Variants in ATRNL1 observed in about 807,000 individuals in gnomAD.
The protein encoded by ATRNL1 is attractin like 1.
ATRNL1 carries 95 observed loss-of-function variants against 182.7 expected under a neutral mutation model. The ratio of observed to expected loss-of-function variants is 0.52; its 90% confidence interval spans 0.44 to 0.62. The LOEUF (loss-of-function observed/expected upper bound fraction) is 0.62. Among genes scored for constraint, ATRNL1 ranks in the 20% least tolerant of loss-of-function variants. The pLI, the probability that ATRNL1 is intolerant of heterozygous loss-of-function variation, is 0.00. For synonymous variants in ATRNL1, 576 were observed against 568.3 expected (o/e 1.01, Z -0.19); for missense variants, 1,471 against 1,679.5 (o/e 0.88, Z 2.17).
At chr10:115,255,240 C>T (rs981873203) in intron 10 of ATRNL1, among the ~76,000 whole-genome samples, 2 of 152,184 alleles carry the variant, frequency 1.3e-5, no homozygotes, top group African/African-American at 2.4e-5. Flanking sequence ...TGGCCATTTT[C>T]ACGATACTGA....
intron 25 of ATRNL1, among the ~76,000 whole-genome samples, chr10:115,531,551 G>A (rs1851583129): frequency 6.6e-6 from 1 of 150,728 alleles, no homozygotes. Context: ...TGAGTAGGTT[G>A]TGAAAATTTT....
chr10:115,854,084 A>G (rs530181264), intron 28 of ATRNL1, among the ~76,000 whole-genome samples: 52 of 152,310 alleles, frequency 3.4e-4, no homozygotes, highest in African/African-American at 1.2e-3. Flanking sequence ...GTTACAGCCT[A>G]TGCAGAGATA....
intron 28 of ATRNL1, among the ~76,000 whole-genome samples, chr10:115,894,911 G>A (rs1350614853): frequency 6.6e-6 from 1 of 152,174 alleles, no homozygotes; most frequent in Non-Finnish European, 1.5e-5. Flanking sequence ...AGGTCAATTA[G>A]ATGGCTCTCA....
At chr10:115,463,376 G>A (rs951737662) in intron 22 of ATRNL1, among the ~76,000 whole-genome samples, 14 of 151,880 alleles carry the variant, frequency 9.2e-5, no homozygotes, top group Admixed American at 9.2e-4. Context: ...AAGATATTTT[G>A]TTTCAAATAC....
At chr10:115,875,877 A>T (rs142381643) in intron 28 of ATRNL1, among the ~76,000 whole-genome samples, 1 of 152,378 alleles carries the variant, frequency 6.6e-6, no homozygotes, top group Non-Finnish European at 1.5e-5. Context: ...TAGATTTCAC[A>T]GTCAAAAATG....
chr10:115,286,093 G>A, intron 14 of ATRNL1, 123 bp from the exon 15 acceptor site: 1 of 549,658 alleles, frequency 1.8e-6, no homozygotes, highest in Non-Finnish European at 3.2e-6. Flanking sequence ...TTGAAATATT[G>A]AGATATTTAA....
intron 27 of ATRNL1, among the ~76,000 whole-genome samples, chr10:115,800,039 GGA>G (rs1451280852): frequency 2.6e-5 from 4 of 152,016 alleles, no homozygotes; most frequent in Non-Finnish European, 5.9e-5. Flanking sequence ...TGACCAACAT[GGA>G]GAAACCCTGT....
chr10:115,423,070 T>C (rs142418703), intron 20 of ATRNL1, among the ~76,000 whole-genome samples: 1 of 152,146 alleles, frequency 6.6e-6, no homozygotes, highest in Non-Finnish European at 1.5e-5. Context: ...TATTGTACAT[T>C]TTAAAATAAA....
At chr10:115,516,418 G>A (rs1554983897) in intron 24 of ATRNL1, among the ~76,000 whole-genome samples, 1 of 151,676 alleles carries the variant, frequency 6.6e-6, no homozygotes, top group Non-Finnish European at 1.5e-5. Context: ...TTGTCTTGAT[G>A]ACTACTACCC....
At chr10:115,863,551 G>A (rs1048072731) in intron 28 of ATRNL1, among the ~76,000 whole-genome samples, 7 of 152,178 alleles carry the variant, frequency 4.6e-5, no homozygotes, top group African/African-American at 1.7e-4. Context: ...AGGAAAGTGA[G>A]AAGACTAGAA....
chr10:115,787,347 A>G (rs1949421470), intron 27 of ATRNL1, among the ~76,000 whole-genome samples: 1 of 152,164 alleles, frequency 6.6e-6, no homozygotes, highest in Non-Finnish European at 1.5e-5. Context: ...TCGGGCCACT[A>G]AGACTGATAC....
rs150889942 is a variant in ATRNL1, at chr10:115,286,357, T to C, written c.2375T>C (p.Val792Ala). 7 of 1,605,534 alleles carry C rather than the reference T, an allele frequency of 4.4e-6. No homozygotes were observed. The African/African-American group carries it at 5.4e-5, about 12-fold the overall frequency. Reference protein sequence around the residue: ...NLASLTTSKEVEFVLDEIQKY... With the variant: ...NLASLTTSKEAEFVLDEIQKY... ...GCTTCATTAACAACCTCAAAAGAAGTAGAATTTGTTCTGGATGAAATACAG... is the reference window on the plus strand; with the variant it reads ...GCTTCATTAACAACCTCAAAAGAAGCAGAATTTGTTCTGGATGAAATACAG... Residue 792 changes from valine to alanine, a missense_variant, in exon 15 of 29, where the codon GTA becomes GCA. Physicochemically the swap from Val to Ala is moderately conservative, Grantham distance 64 (BLOSUM62 0). This residue lies in a region of ATRNL1 where 1,031 missense variants were observed against 1,156.0 expected (regional missense o/e 0.89). Transcript: ENST00000355044.
At chr10:115,339,251 A>G (rs959224464) in intron 19 of ATRNL1, among the ~76,000 whole-genome samples, 6 of 151,940 alleles carry the variant, frequency 3.9e-5, no homozygotes, top group African/African-American at 4.8e-5. Flanking sequence ...TTCTGTGACA[A>G]ATGTTACTGT....
intron 27 of ATRNL1, among the ~76,000 whole-genome samples, chr10:115,784,960 G>A (rs1305854379): frequency 2.6e-5 from 4 of 152,114 alleles, no homozygotes; most frequent in Non-Finnish European, 4.4e-5. Flanking sequence ...TCTATTTCAT[G>A]TGCAAAATAC....
At chr10:115,490,392 A>G (rs1484910242) in intron 24 of ATRNL1, among the ~76,000 whole-genome samples, 1 of 151,914 alleles carries the variant, frequency 6.6e-6, no homozygotes, top group Non-Finnish European at 1.5e-5. Flanking sequence ...CTTTTCTCAT[A>G]ATCCCTTATT....
intron 18 of ATRNL1, among the ~76,000 whole-genome samples, chr10:115,316,006 T>C (rs1854283385): frequency 6.6e-6 from 1 of 152,194 alleles, no homozygotes; most frequent in Non-Finnish European, 1.5e-5. Context: ...TTATTTAGTT[T>C]AAGTTTTGGG....
intron 14 of ATRNL1, 67 bp from the exon 15 acceptor site, chr10:115,286,149 G>T (rs1554918733): frequency 1.4e-6 from 1 of 736,452 alleles, no homozygotes; most frequent in Non-Finnish European, 2.3e-6. Context: ...GAAGTACTTT[G>T]AAATAATTGA....
chr10:115,171,308 A>T lies in ATRNL1; in HGVS notation c.1348+16A>T. ...TACCATATCTGTGAGTTACTTAAAA[A>T]TTGTAATTTCTTTATTGATTGGGAA... On this transcript the variant is annotated intron_variant, in intron 8 of 28. Transcript: ENST00000355044. 1 of 1,529,132 alleles carries T rather than the reference A, an allele frequency of 6.5e-7. No individual in the cohort carries two copies. Among genetic ancestry groups the T allele is most frequent in the Non-Finnish European group, 8.9e-7 (1 of 1,125,684 alleles). The allele number at this position is 1,529,132 out of a possible 1,614,324, so 94.7% of individuals were successfully genotyped here. A position where few individuals can be genotyped will look rare whatever the true frequency, so the allele number is the denominator to read the frequency against.
At chr10:115,747,637 C>T (rs1948331021) in intron 27 of ATRNL1, among the ~76,000 whole-genome samples, 1 of 152,052 alleles carries the variant, frequency 6.6e-6, no homozygotes, top group Non-Finnish European at 1.5e-5. Flanking sequence ...GAATGACAGC[C>T]TTCTTTTCCT....
Sources: allele counts gnomAD v4.1 joint callset (sites outside exome capture counted in the v4.1 genomes callset), GRCh38; gene constraint gnomAD v4.1.1; regional missense constraint gnomAD v4.1.1; transcripts MANE v1.5; gene names NCBI Gene and HGNC (gene_info 2026-07-23, HGNC 2026-07-21).